Variants in RNGTT observed in about 807,000 individuals in gnomAD.
RNGTT encodes RNA guanylyltransferase and 5'-phosphatase.
Under a neutral mutation model 79.3 loss-of-function variants are expected in RNGTT, and 33 were observed. That is an observed-to-expected ratio of 0.42 (90% CI 0.32 to 0.56). The LOEUF is 0.56. Ranked by LOEUF, RNGTT falls within the 20% of genes least tolerant of loss-of-function variation. The pLI is 0.17. For synonymous variants in RNGTT, 222 were observed against 235.9 expected (o/e 0.94, Z 0.54); for missense variants, 497 against 739.1 (o/e 0.67, Z 3.80).
chr6:88,904,986 C>A, intron 5 of RNGTT, 31 bp from the exon 6 acceptor site: 1 of 1,606,130 alleles, frequency 6.2e-7, no homozygotes, highest in Non-Finnish European at 8.5e-7. Context: ...GCAATTTCCT[C>A]GCTATCCTCT....
At chr6:88,927,795 C>T (rs1168664114) in intron 4 of RNGTT, among the ~76,000 whole-genome samples, 5 of 150,336 alleles carry the variant, frequency 3.3e-5, no homozygotes, top group Admixed American at 2.6e-4. Flanking sequence ...GATCACTCCA[C>T]TGCACTCCAG....
In RNGTT at chr6:88,808,247, T is replaced by C. The variant is rs1291942825; in HGVS notation, c.1270-6615A>G. 2.0e-5 allele frequency among the ~76,000 whole-genome samples: 3 copies of C among 152,154 alleles called. No individual in the cohort carries two copies. In the East Asian group the frequency reaches 5.8e-4, roughly 29 times the overall value. On this transcript the variant is annotated intron_variant, in intron 11 of 15. Transcript: ENST00000369485. ...AATGTATTGTAGGATTTATAACATA[T>C]GTAAAAACAAATTGTATAAAAGGAA...
intron 14 of RNGTT, among the ~76,000 whole-genome samples, chr6:88,633,278 T>TTGA (rs967928360): frequency 2.0e-5 from 3 of 152,100 alleles, no homozygotes; most frequent in African/African-American, 7.2e-5. Flanking sequence ...AAAAAAAAGC[T>TTGA]TGATGAACAT....
intron 14 of RNGTT, among the ~76,000 whole-genome samples, chr6:88,615,570 C>A (rs1222954383): frequency 1.3e-5 from 2 of 152,262 alleles, no homozygotes; most frequent in South Asian, 2.1e-4. Flanking sequence ...AGTCTCAATT[C>A]TCTTGCCTTG....
At chr6:88,639,036 T>C (rs895999048) in intron 14 of RNGTT, among the ~76,000 whole-genome samples, 5 of 152,162 alleles carry the variant, frequency 3.3e-5, no homozygotes, top group Non-Finnish European at 5.9e-5. Context: ...CAGTTAAATA[T>C]GGTAATACAT....
intron 14 of RNGTT, among the ~76,000 whole-genome samples, chr6:88,630,356 A>G (rs956544824): frequency 3.3e-5 from 5 of 152,188 alleles, no homozygotes; most frequent in Non-Finnish European, 7.3e-5. Flanking sequence ...AGATGTTATC[A>G]CTATCATTTC....
intron 14 of RNGTT, among the ~76,000 whole-genome samples, chr6:88,647,996 T>G (rs937737306): frequency 2.6e-5 from 4 of 152,128 alleles, no homozygotes; most frequent in Non-Finnish European, 4.4e-5. Context: ...AGAAAGGATC[T>G]CTACGTTTGC....
intron 10 of RNGTT, among the ~76,000 whole-genome samples, chr6:88,846,013 A>AT (rs1781471579): frequency 6.6e-6 from 1 of 151,892 alleles, no homozygotes; most frequent in Non-Finnish European, 1.5e-5. Flanking sequence ...AAAAAAAAAA[A>AT]GTCTAACAAC....
intron 14 of RNGTT, among the ~76,000 whole-genome samples, chr6:88,670,045 G>A (rs1292010710): frequency 6.6e-6 from 1 of 152,200 alleles, no homozygotes. Flanking sequence ...GATAAGAAAT[G>A]CTATTTATCA....
At chr6:88,956,669 G>C (rs1430677628) in intron 1 of RNGTT, among the ~76,000 whole-genome samples, 5 of 152,124 alleles carry the variant, frequency 3.3e-5, no homozygotes, top group Admixed American at 2.6e-4. Flanking sequence ...AAATCCAAAA[G>C]CATATCAAAA....
intron 13 of RNGTT, among the ~76,000 whole-genome samples, chr6:88,759,223 C>A (rs1410847666): frequency 6.6e-6 from 1 of 152,210 alleles, no homozygotes; most frequent in Admixed American, 6.5e-5. Context: ...AGTGGGAGCA[C>A]CTTCAAGTTG....
intron 11 of RNGTT, among the ~76,000 whole-genome samples, chr6:88,821,176 A>G (rs1192596374): frequency 1.3e-5 from 2 of 152,202 alleles, no homozygotes; most frequent in Non-Finnish European, 2.9e-5. Flanking sequence ...GATCTTTGAC[A>G]AAACAGCAAA....
chr6:88,951,144 C>T (rs973101071), intron 1 of RNGTT, among the ~76,000 whole-genome samples: 1 of 152,100 alleles, frequency 6.6e-6, no homozygotes, highest in Non-Finnish European at 1.5e-5. Flanking sequence ...TAGGTGTGAG[C>T]CACCGCACCT....
chr6:88,627,123 T>C (rs1772664508), intron 14 of RNGTT, among the ~76,000 whole-genome samples: 3 of 152,258 alleles, frequency 2.0e-5, no homozygotes, highest in East Asian at 1.9e-4. Flanking sequence ...GACTGGCTTA[T>C]TTGATGTTGC....
At chr6:88,833,998 G>A (rs1052659357) in intron 11 of RNGTT, among the ~76,000 whole-genome samples, 1 of 152,152 alleles carries the variant, frequency 6.6e-6, no homozygotes, top group African/African-American at 2.4e-5. Flanking sequence ...TCTGGCCTAG[G>A]CGACAGAGCG....
chr6:88,857,673 A>C (rs530022380), intron 8 of RNGTT, among the ~76,000 whole-genome samples: 1 of 152,316 alleles, frequency 6.6e-6, no homozygotes, highest in Admixed American at 6.5e-5. Context: ...TTTACAATAT[A>C]TTTAGTGGGA....
chr6:88,959,606 A>G (rs573875769), intron 1 of RNGTT, among the ~76,000 whole-genome samples: 80 of 152,266 alleles, frequency 5.3e-4, no homozygotes, highest in African/African-American at 1.8e-3. Context: ...TGTCACTTTT[A>G]AACTATCACT....
intron 13 of RNGTT, among the ~76,000 whole-genome samples, chr6:88,757,431 T>C (rs1214904698): frequency 1.3e-5 from 2 of 152,206 alleles, no homozygotes; most frequent in African/African-American, 4.8e-5. Context: ...AATACAAAGG[T>C]ATTAAATATG....
Position 88,847,359 on chromosome 6 carries a change from G to GA in RNGTT, c.1104+2395dup, listed in dbSNP as rs532834515. Among the ~76,000 whole-genome samples the GA allele has an allele frequency of 9.3e-4, 138 of 148,960 alleles. 4 individuals carry two copies. The South Asian group carries it at 0.027, about 29-fold the overall frequency. On this transcript the variant is annotated intron_variant, in intron 10 of 15. Transcript: ENST00000369485. ...TGATCGATGCTGAGAGTCAGAGGGTGAAAAAAAAAGATGATTGATGAAATT... is the reference window on the plus strand; with the variant it reads ...TGATCGATGCTGAGAGTCAGAGGGTGAAAAAAAAAAGATGATTGATGAAATT...
Sources: allele counts gnomAD v4.1 joint callset (sites outside exome capture counted in the v4.1 genomes callset), GRCh38; gene constraint gnomAD v4.1.1; transcripts MANE v1.5; gene names NCBI Gene and HGNC (gene_info 2026-07-23, HGNC 2026-07-21).